The following FRAS1 variants were observed in gnomAD, a reference collection of about 807,000 sequenced individuals.
FRAS1 encodes the protein Fraser extracellular matrix complex subunit 1.
FRAS1 carries 290 observed loss-of-function variants against 435.2 expected under a neutral mutation model. The ratio of observed to expected loss-of-function variants is 0.67; its 90% CI spans 0.61 to 0.73. FRAS1 has a LOEUF of 0.73. Ranked by LOEUF, FRAS1 falls within the 30% of genes least tolerant of loss-of-function variation. FRAS1 has a pLI of 0.00. For missense variants in FRAS1, 4,860 were observed against 5,001.5 expected, an observed-to-expected ratio of 0.97 and a Z score of 0.85; for synonymous variants, 1,800 against 1,851.0, an observed-to-expected ratio of 0.97 and a Z score of 0.71.
At chr4:78,408,922 G>A (rs1324870216) in intron 31 of FRAS1, among the ~76,000 whole-genome samples, 1 of 151,930 alleles carries the variant, frequency 6.6e-6, no homozygotes, top group Non-Finnish European at 1.5e-5. Flanking sequence ...CCAGGAGTTT[G>A]AGACCAGCTT....
intron 2 of FRAS1, among the ~76,000 whole-genome samples, chr4:78,235,613 G>A (rs551581077): frequency 6.6e-6 from 1 of 152,270 alleles, no homozygotes; most frequent in Non-Finnish European, 1.5e-5. Flanking sequence ...GGCACCCACA[G>A]TCTGGTCCAG....
chr4:78,199,311 C>G (rs7654082), intron 2 of FRAS1, among the ~76,000 whole-genome samples: 3,490 of 152,258 alleles, frequency 0.023, 148 homozygotes, highest in African/African-American at 0.08. Context: ...CTCAAGTGAT[C>G]TTTGTAGCTG....
chr4:78,282,727 TG>T, intron 11 of FRAS1, 92 bp from the exon 12 acceptor site: 3 of 1,466,072 alleles, frequency 2.0e-6, no homozygotes, highest in South Asian at 1.2e-5. Context: ...GCCTTCACTT[TG>T]TTCTTATGGA....
At chr4:78,208,079 A>G (rs1723337749) in intron 2 of FRAS1, among the ~76,000 whole-genome samples, 1 of 152,230 alleles carries the variant, frequency 6.6e-6, no homozygotes, top group Non-Finnish European at 1.5e-5. Context: ...CTGTGCTGGT[A>G]TCCACAGCTG....
chr4:78,393,270 T>C (rs1315133457), intron 29 of FRAS1, among the ~76,000 whole-genome samples: 1 of 152,072 alleles, frequency 6.6e-6, no homozygotes, highest in Admixed American at 6.5e-5. Flanking sequence ...TACTATATTG[T>C]ATTGATAGTC....
At chr4:78,279,037 A>G (rs571726763) in intron 10 of FRAS1, among the ~76,000 whole-genome samples, 2 of 152,316 alleles carry the variant, frequency 1.3e-5, no homozygotes, top group East Asian at 3.9e-4. Context: ...AAAACAGTGC[A>G]AGTGGGCTAG....
In FRAS1 at chr4:78,478,194, G is replaced by A. The variant is rs1367202635; in HGVS notation, c.8098+133G>A. ...TACTTTCCACTTATTAACTCATTTG[G>A]TTCCCACAACAACCCTGATGATGAT... On this transcript the variant is annotated intron_variant, in intron 55 of 73. Coordinates refer to ENST00000512123, the MANE Select transcript of FRAS1 (RefSeq NM_025074.7). The A allele has an allele frequency of 1.4e-5, 14 of 1,011,498 alleles. No individual in the cohort carries two copies. In the East Asian group the frequency reaches 3.7e-4, roughly 27 times the overall value. The allele number at this position is 1,011,498 out of a possible 1,614,324, so 62.7% of individuals were successfully genotyped here.
At position 78,118,670 on chromosome 4, in the gene FRAS1, G is replaced by T. The variant is rs150959942; in HGVS notation, c.108+52654G>T. ...GCCATTTGCTAAGACCGTTGGAAAAGCACAGTATCAGGGTGGGAGTGACCC... is the reference window on the plus strand; with the variant it reads ...GCCATTTGCTAAGACCGTTGGAAAATCACAGTATCAGGGTGGGAGTGACCC... On this transcript the variant is annotated intron_variant, in intron 2 of 73. Coordinates refer to ENST00000512123, the MANE Select transcript of FRAS1 (RefSeq NM_025074.7). Among the ~76,000 whole-genome samples, 323 of 151,928 alleles carry T rather than the reference G, an allele frequency of 2.1e-3. 1 individual carries two copies. Among genetic ancestry groups the T allele is most frequent in the Middle Eastern group, 0.01 (3 of 294 alleles).
At chr4:78,118,811 G>A (rs149670811) in intron 2 of FRAS1, among the ~76,000 whole-genome samples, 21 of 152,168 alleles carry the variant, frequency 1.4e-4, no homozygotes, top group Middle Eastern at 3.4e-3. Context: ...CACTCGGTGC[G>A]CTGCACTCAC....
rs1458808062 is a variant in FRAS1, at chr4:78,308,194, C to A, written c.1663C>A (p.Gln555Lys). The change falls in exon 15 of 74, where the codon CAG becomes AAG. Residue 555 changes from glutamine (Q) to lysine (K), a missense_variant. Gln to Lys is a moderately conservative substitution (Grantham distance 53, BLOSUM62 1). Transcript: ENST00000512123. ...SSCGKGFYNRQGTCSACDQSC... is the reference protein window; with the variant it reads ...SSCGKGFYNRKGTCSACDQSC... ...CTGTGGAAAAGGCTTCTACAACAGG[C>A]AGGGCACCTGTAGCGGTGAGTGCTG... 1 of 1,613,898 alleles carries A rather than the reference C, an allele frequency of 6.2e-7. No homozygotes were observed. The highest frequency in any genetic ancestry group is 8.5e-7 in the Non-Finnish European group (1 of 1,179,844).
chr4:78,454,042 G>A (rs1449320438), intron 47 of FRAS1, among the ~76,000 whole-genome samples: 1 of 152,136 alleles, frequency 6.6e-6, no homozygotes, highest in African/African-American at 2.4e-5. Flanking sequence ...ATGGTGATGA[G>A]TGTCTAGGAG....
chr4:78,438,771 T>C lies in FRAS1; in HGVS notation c.5366+53T>C, dbSNP rs930813260. On this transcript the variant is annotated intron_variant, in intron 39 of 73. Coordinates refer to ENST00000512123, the MANE Select transcript of FRAS1 (RefSeq NM_025074.7). ...AGATTCTTAAAAACTTGTATGAAAA[T>C]ATTTCAGCAACTGGTTGTAGCTCTG... 9.2e-6 allele frequency: 14 copies of C among 1,529,220 alleles called. No individual in the cohort carries two copies. In the African/African-American group the frequency reaches 1.5e-4, roughly 17 times the overall value. 94.7% of individuals were successfully genotyped at this position (1,529,220 alleles called of 1,614,324 possible). A position where few individuals can be genotyped will look rare whatever the true frequency, so the allele number is the denominator to read the frequency against.
chr4:78,444,768 G>A (rs1403938635), intron 41 of FRAS1, among the ~76,000 whole-genome samples: 2 of 152,184 alleles, frequency 1.3e-5, no homozygotes, highest in Admixed American at 1.3e-4. Context: ...AGTAATCTGA[G>A]CCAGCATTTT....
Position 78,482,370 on chromosome 4 carries a change from C to T in FRAS1, c.8605-18C>T, listed in dbSNP as rs530775334. On this transcript the variant is annotated intron_variant, in intron 57 of 73. Transcript: ENST00000512123. ...GATGGTGGGTCCTCTGTCAAGTTTGCTTTGGTTTCTCTTCTAGTATTGCAC... is the reference window on the plus strand; with the variant it reads ...GATGGTGGGTCCTCTGTCAAGTTTGTTTTGGTTTCTCTTCTAGTATTGCAC... 1 of 1,613,680 alleles carries T rather than the reference C, an allele frequency of 6.2e-7. No individual in the cohort carries two copies. Among genetic ancestry groups the T allele is most frequent in the East Asian group, 2.2e-5 (1 of 44,870 alleles).
At chr4:78,270,768 A>T (rs1352849362) in intron 9 of FRAS1, among the ~76,000 whole-genome samples, 9 of 152,054 alleles carry the variant, frequency 5.9e-5, no homozygotes, top group Admixed American at 5.9e-4. Context: ...TTGAAAGCCA[A>T]ATTCAGTGTT....
chr4:78,273,541 C>T (rs1726829173), intron 9 of FRAS1, among the ~76,000 whole-genome samples: 1 of 152,174 alleles, frequency 6.6e-6, no homozygotes, highest in Admixed American at 6.5e-5. Flanking sequence ...TGAATTTTGT[C>T]AAAGGCGTTT....
In FRAS1 at chr4:78,388,807, C is replaced by CTAAA. The variant is rs1172700583; in HGVS notation, c.3975+1121_3975+1124dup. On this transcript the variant is annotated intron_variant, in intron 29 of 73. Transcript: ENST00000512123. ...TGGATGACAGAGCAAGGCCCTATCTCTAAATAAATAAATAAATAGCATTTT... is the reference window on the plus strand; with the variant it reads ...TGGATGACAGAGCAAGGCCCTATCTCTAAATAAATAAATAAATAAATAGCATTTT... 3.9e-5 allele frequency among the ~76,000 whole-genome samples: 6 copies of CTAAA among 152,106 alleles called. No individual in the cohort carries two copies. The East Asian group carries it at 5.8e-4, about 15-fold the overall frequency.
At chr4:78,152,607 C>CTTTTTTTTTTTTT (rs71214398) in intron 2 of FRAS1, among the ~76,000 whole-genome samples, 13 of 72,414 alleles carry the variant, frequency 1.8e-4, no homozygotes, top group East Asian at 1.1e-3. Flanking sequence ...ATGTAGGCTG[C>CTTTTTTTTTTTTT]TTTTTTTTTT....
intron 2 of FRAS1, among the ~76,000 whole-genome samples, chr4:78,198,909 A>G (rs1722935874): frequency 6.6e-6 from 1 of 152,234 alleles, no homozygotes; most frequent in African/African-American, 2.4e-5. Context: ...TAATACATAT[A>G]ACATACAAAA....
Sources: allele counts gnomAD v4.1 joint callset (sites outside exome capture counted in the v4.1 genomes callset), GRCh38; gene constraint gnomAD v4.1.1; transcripts MANE v1.5; gene names NCBI Gene and HGNC (gene_info 2026-07-23, HGNC 2026-07-21).